The following TMEM132D variants were observed in gnomAD, a reference collection of about 807,000 sequenced individuals.
TMEM132D encodes the protein transmembrane protein 132D.
A neutral mutation model predicts 62.3 loss-of-function variants in TMEM132D; 21 were observed. The observed-to-expected ratio is 0.34, with a 90% CI of 0.24 to 0.49. The LOEUF (loss-of-function observed/expected upper bound fraction) is 0.49. Among genes scored for constraint, TMEM132D ranks in the 20% least tolerant of loss-of-function variants. The probability of loss-of-function intolerance (pLI) is 0.99; values close to 1 mark genes in which losing one functional copy is unlikely to be tolerated. For missense variants in TMEM132D, 1,346 were observed against 1,402.8 expected, an observed-to-expected ratio of 0.96 and a Z score of 0.65; for synonymous variants, 621 against 575.6, an observed-to-expected ratio of 1.08 and a Z score of -1.13.
intron 4 of TMEM132D, among the ~76,000 whole-genome samples, chr12:129,272,877 G>A (rs541652575): frequency 1.3e-5 from 2 of 151,692 alleles, no homozygotes; most frequent in South Asian, 4.2e-4. Context: ...CCAGGCCAAC[G>A]TGATGAAACC....
At chr12:129,680,929 A>T (rs185498370) in intron 2 of TMEM132D, among the ~76,000 whole-genome samples, 10 of 152,330 alleles carry the variant, frequency 6.6e-5, no homozygotes, top group African/African-American at 1.9e-4. Context: ...ACAATTTGGC[A>T]TGAGTAGGGA....
At chr12:129,228,837 G>A (rs765355066) in intron 4 of TMEM132D, among the ~76,000 whole-genome samples, 8 of 152,222 alleles carry the variant, frequency 5.3e-5, no homozygotes, top group Non-Finnish European at 1.0e-4. Flanking sequence ...GAAATGATTT[G>A]TTTGGACTGT....
chr12:129,373,145 A>C (rs934146670), intron 3 of TMEM132D, among the ~76,000 whole-genome samples: 1 of 152,212 alleles, frequency 6.6e-6, no homozygotes, highest in Non-Finnish European at 1.5e-5. Flanking sequence ...GAACAAGAAC[A>C]TTTGAAACAG....
At chr12:129,234,215 G>A (rs1176315259) in intron 4 of TMEM132D, among the ~76,000 whole-genome samples, 3 of 152,186 alleles carry the variant, frequency 2.0e-5, no homozygotes, top group Non-Finnish European at 4.4e-5. Flanking sequence ...ATTAAGGAAT[G>A]GAAATTAAAA....
chr12:129,533,394 T>C (rs1267113376), intron 2 of TMEM132D, among the ~76,000 whole-genome samples: 3 of 152,242 alleles, frequency 2.0e-5, no homozygotes, highest in Non-Finnish European at 4.4e-5. Flanking sequence ...TACAATCCGC[T>C]GTGGACAGCT....
intron 2 of TMEM132D, among the ~76,000 whole-genome samples, chr12:129,579,774 A>T (rs1444699057): frequency 6.6e-6 from 1 of 152,154 alleles, no homozygotes; most frequent in Non-Finnish European, 1.5e-5. Context: ...CTCAAATATC[A>T]ATCTCCTCTG....
chr12:129,158,500 T>A (rs1877308103), intron 5 of TMEM132D, among the ~76,000 whole-genome samples: 1 of 152,232 alleles, frequency 6.6e-6, no homozygotes, highest in Admixed American at 6.5e-5. Flanking sequence ...TGGTTTGGAA[T>A]TTCTTATTAG....
At chr12:129,335,182 A>C (rs866864260) in intron 4 of TMEM132D, among the ~76,000 whole-genome samples, 7 of 121,028 alleles carry the variant, frequency 5.8e-5, no homozygotes, top group Admixed American at 1.1e-4. Flanking sequence ...CACAGGCTGG[A>C]GTGCTGTGGT....
intron 5 of TMEM132D, among the ~76,000 whole-genome samples, chr12:129,096,216 T>C (rs1875110401): frequency 6.6e-6 from 1 of 152,136 alleles, no homozygotes; most frequent in Admixed American, 6.5e-5. Context: ...CTTATTAAAG[T>C]TCACACAGCT....
chr12:129,894,283 C>T (rs1875029635), intron 1 of TMEM132D, among the ~76,000 whole-genome samples: 1 of 152,200 alleles, frequency 6.6e-6, no homozygotes, highest in Non-Finnish European at 1.5e-5. Context: ...TTATTCACTC[C>T]ATGAGAGTGT....
At chr12:129,837,667 A>G (rs576908314) in intron 1 of TMEM132D, among the ~76,000 whole-genome samples, 1 of 152,288 alleles carries the variant, frequency 6.6e-6, no homozygotes, top group East Asian at 1.9e-4. Context: ...CTTGCTTTCA[A>G]TGTCTTCGAT....
At chr12:129,452,346 G>C (rs1873320114) in intron 3 of TMEM132D, among the ~76,000 whole-genome samples, 1 of 152,218 alleles carries the variant, frequency 6.6e-6, no homozygotes, top group South Asian at 2.1e-4. Context: ...TTTCTAGTTG[G>C]TCAGTAAAAC....
At chr12:129,628,170 A>G (rs265613) in intron 2 of TMEM132D, among the ~76,000 whole-genome samples, 34,385 of 152,214 alleles carry the variant, frequency 0.23, 4,238 homozygotes, top group Admixed American at 0.29. Context: ...TAAGTAATGA[A>G]TATTTAACAA....
chr12:129,799,219 C>G (rs925738880), intron 1 of TMEM132D, among the ~76,000 whole-genome samples: 1 of 151,954 alleles, frequency 6.6e-6, no homozygotes, highest in African/African-American at 2.4e-5. Context: ...GAGCTGAGAT[C>G]GCGCCACTGC....
chr12:129,233,079 T>C (rs1432760565), intron 4 of TMEM132D, among the ~76,000 whole-genome samples: 2 of 152,262 alleles, frequency 1.3e-5, no homozygotes, highest in Admixed American at 1.3e-4. Context: ...TTTTCATTTC[T>C]GTAGCACCTA....
intron 3 of TMEM132D, among the ~76,000 whole-genome samples, chr12:129,355,583 TCTTCCAACAATTCAGAACAC>T (rs1870017720): frequency 6.6e-6 from 1 of 152,224 alleles, no homozygotes; most frequent in Non-Finnish European, 1.5e-5. Context: ...TTGGAGATGT[TCTTCCAACAATTCAGAACAC>T]CTTCCAAAGG....
At chr12:129,762,913 C>T (rs1324956739) in intron 1 of TMEM132D, among the ~76,000 whole-genome samples, 3 of 152,186 alleles carry the variant, frequency 2.0e-5, no homozygotes, top group Non-Finnish European at 2.9e-5. Context: ...GTTCTTCCTA[C>T]ACCCTGCTTG....
At chr12:129,387,783 C>A (rs994136511) in intron 3 of TMEM132D, among the ~76,000 whole-genome samples, 30 of 145,600 alleles carry the variant, frequency 2.1e-4, no homozygotes, top group Non-Finnish European at 4.0e-4. Flanking sequence ...CAACACCAAT[C>A]CAGCACTGAC....
intron 3 of TMEM132D, among the ~76,000 whole-genome samples, chr12:129,415,126 T>C (rs1337927379): frequency 6.6e-6 from 1 of 152,228 alleles, no homozygotes; most frequent in Non-Finnish European, 1.5e-5. Context: ...TGATGAACAA[T>C]GAGTGTGGGA....
Sources: allele counts gnomAD v4.1 joint callset (sites outside exome capture counted in the v4.1 genomes callset), GRCh38; gene constraint gnomAD v4.1.1; transcripts MANE v1.5; gene names NCBI Gene and HGNC (gene_info 2026-07-23, HGNC 2026-07-21).